The following MAF variants were observed in gnomAD, a reference collection of about 807,000 sequenced individuals.
MAF encodes MAF bZIP transcription factor, also known as transcription factor Maf.
Under a neutral mutation model 22.0 loss-of-function variants are expected in MAF, and 10 were observed. The observed-to-expected ratio is 0.45, with a 90% CI of 0.28 to 0.77. The LOEUF (loss-of-function observed/expected upper bound fraction) is 0.77. Among genes scored for constraint, MAF ranks in the 30% least tolerant of loss-of-function variants. The pLI is 0.12. For missense variants in MAF, 544 were observed against 548.4 expected (o/e 0.99, Z 0.08); for synonymous variants, 337 against 255.8 (o/e 1.32, Z -3.03).
At chr16:79,559,839 A>G in the MAF span, among the ~76,000 whole-genome samples, 1 of 152,220 alleles carries the variant, frequency 6.6e-6, no homozygotes, top group Non-Finnish European at 1.5e-5. Flanking sequence ...TGGATGCTTG[A>G]AAGTTCTCCT....
the MAF span, among the ~76,000 whole-genome samples, chr16:79,391,077 G>C: frequency 6.6e-6 from 1 of 152,122 alleles, no homozygotes; most frequent in Non-Finnish European, 1.5e-5. Context: ...GTGGGCTAAC[G>C]AGGTGGAAGC....
the MAF span, among the ~76,000 whole-genome samples, chr16:79,273,717 T>G: frequency 3.2e-3 from 485 of 152,306 alleles, 5 homozygotes; most frequent in Admixed American, 6.4e-3. Context: ...AGAACTCTTG[T>G]GAATAATTAT....
chr16:79,515,595 C>A, the MAF span, among the ~76,000 whole-genome samples: 1 of 152,190 alleles, frequency 6.6e-6, no homozygotes, highest in Non-Finnish European at 1.5e-5. Flanking sequence ...TGACTGATGA[C>A]ATTTTCAGTG....
the MAF span, among the ~76,000 whole-genome samples, chr16:79,220,785 G>C: frequency 6.6e-6 from 1 of 152,192 alleles, no homozygotes; most frequent in East Asian, 1.9e-4. Context: ...CTACACAGAT[G>C]GCTTTTATCT....
the MAF span, among the ~76,000 whole-genome samples, chr16:79,502,708 A>AATATAAATATAT: frequency 5.6e-4 from 19 of 33,906 alleles, no homozygotes; most frequent in African/African-American, 8.1e-4. Context: ...TATAAATATA[A>AATATAAATATAT]ATATATATAT....
the MAF span, among the ~76,000 whole-genome samples, chr16:79,208,631 A>ATT: frequency 2.9e-3 from 437 of 151,132 alleles, 1 homozygote; most frequent in Admixed American, 5.2e-3. Context: ...TGCTCTTTAA[A>ATT]TTTTTTTTTT....
the MAF span, among the ~76,000 whole-genome samples, chr16:79,498,172 T>C: frequency 6.6e-6 from 1 of 152,264 alleles, no homozygotes; most frequent in East Asian, 1.9e-4. Flanking sequence ...CTCCAGTACT[T>C]GGGCACACTT....
the MAF span, among the ~76,000 whole-genome samples, chr16:79,543,896 C>G: frequency 4.9e-3 from 743 of 151,966 alleles, 5 homozygotes; most frequent in Non-Finnish European, 8.3e-3. Context: ...TCGTTTTAGC[C>G]AAGATGGTCT....
the MAF span, among the ~76,000 whole-genome samples, chr16:79,465,540 C>T: frequency 2.0e-5 from 3 of 152,118 alleles, no homozygotes; most frequent in Non-Finnish European, 2.9e-5. Flanking sequence ...TGCAGTGAGC[C>T]GTGATCCCGT....
the MAF span, among the ~76,000 whole-genome samples, chr16:79,474,852 A>T: frequency 2.0e-5 from 3 of 152,170 alleles, no homozygotes; most frequent in African/African-American, 7.2e-5. Flanking sequence ...GCCTGTTGCC[A>T]TCACTGTATC....
At chr16:79,489,130 T>A in the MAF span, among the ~76,000 whole-genome samples, 1 of 152,100 alleles carries the variant, frequency 6.6e-6, no homozygotes, top group Non-Finnish European at 1.5e-5. Context: ...TACCCATCCA[T>A]CCACTCATCC....
At chr16:79,268,756 A>T in the MAF span, among the ~76,000 whole-genome samples, 636 of 152,334 alleles carry the variant, frequency 4.2e-3, 4 homozygotes, top group African/African-American at 0.014. Flanking sequence ...AGAGGACCCC[A>T]ATCCTGAGAA....
chr16:79,524,250 T>A, the MAF span, among the ~76,000 whole-genome samples: 2 of 151,954 alleles, frequency 1.3e-5, no homozygotes, highest in South Asian at 2.1e-4. Context: ...GCAGGGGGAG[T>A]TAATTTGCTG....
At chr16:79,320,121 G>A in the MAF span, among the ~76,000 whole-genome samples, 1 of 152,122 alleles carries the variant, frequency 6.6e-6, no homozygotes, top group Non-Finnish European at 1.5e-5. Flanking sequence ...GGAGTATCAG[G>A]GAAGGCAGAA....
chr16:79,319,870 C>T, the MAF span, among the ~76,000 whole-genome samples: 1 of 152,146 alleles, frequency 6.6e-6, no homozygotes, highest in African/African-American at 2.4e-5. Flanking sequence ...GATGCAGTGG[C>T]TGAGGTTAGG....
the MAF span, among the ~76,000 whole-genome samples, chr16:79,303,450 A>G: frequency 6.6e-6 from 1 of 152,110 alleles, no homozygotes. Context: ...AACACTACCC[A>G]GGCAGCAATT....
the MAF span, among the ~76,000 whole-genome samples, chr16:79,234,624 T>C: frequency 6.6e-6 from 1 of 152,116 alleles, no homozygotes; most frequent in East Asian, 1.9e-4. Flanking sequence ...ATGTTGTGTG[T>C]CTCAGCCTGG....
the MAF span, among the ~76,000 whole-genome samples, chr16:79,285,116 A>T: frequency 7.8e-4 from 119 of 152,318 alleles, no homozygotes; most frequent in African/African-American, 2.8e-3. Flanking sequence ...AAATTCTTTA[A>T]GAGTTCCTGA....
At chr16:79,237,613 G>C in the MAF span, among the ~76,000 whole-genome samples, 1 of 152,048 alleles carries the variant, frequency 6.6e-6, no homozygotes, top group East Asian at 1.9e-4. Context: ...TTCCATCTCA[G>C]AGGACACTCA....
Sources: gnomAD v4.1 joint callset for allele counts (sites outside exome capture counted in the v4.1 genomes callset) on GRCh38, gnomAD v4.1.1 for gene constraint, MANE v1.5 for transcripts, NCBI Gene and HGNC (gene_info 2026-07-23, HGNC 2026-07-21) for gene names.